Variants in BTK observed in about 807,000 individuals in gnomAD.
The protein encoded by BTK is tyrosine-protein kinase BTK.
Under a neutral mutation model 57.4 loss-of-function variants are expected in BTK, and 5 were observed. That is an observed-to-expected ratio of 0.09 (90% confidence interval 0.05 to 0.18). BTK has a LOEUF of 0.18. BTK is among the 10% of genes least tolerant of loss of function. The pLI is 1.00. For synonymous variants in BTK, 154 were observed against 174.3 expected (o/e 0.88, Z 0.92); for missense variants, 194 against 501.2 (o/e 0.39, Z 5.85).
chrX:101,353,022 C>T (rs976508584), intron 18 of BTK, 172 bp downstream of exon 18: 14 of 463,378 alleles, frequency 3.0e-5, no homozygotes, highest in Non-Finnish European at 4.7e-5. Flanking sequence ...GCCAAGATCG[C>T]GCCACTGTAC....
chrX:101,360,272 T>A lies in BTK; in HGVS notation c.777-122A>T. The A allele has an allele frequency of 5.3e-6, 3 of 570,141 alleles. No homozygotes were observed. The South Asian group carries it at 7.0e-5, about 13-fold the overall frequency. The allele number at this position is 570,141 out of a possible 1,213,427, so 47.0% of individuals were successfully genotyped here. On this transcript the variant is annotated intron_variant, in intron 8 of 18. Transcript: ENST00000308731. The stretch of plus-strand genomic sequence containing the variant: ...AATGGAGGTATATGTATCATGCACC[T>A]CCCTCAAAGACAATCATGTCTCTGA...
upstream of BTK, among the ~76,000 whole-genome samples, chrX:101,387,432 G>A (rs370482658): frequency 5.1e-5 from 5 of 98,786 alleles, no homozygotes; most frequent in African/African-American, 1.9e-4. Flanking sequence ...GCTCACTGCA[G>A]CCTCCACCTC....
chrX:101,379,376 A>G (rs1489499697), intron 1 of BTK, among the ~76,000 whole-genome samples: 1 of 111,567 alleles, frequency 9.0e-6, no homozygotes, highest in Non-Finnish European at 1.9e-5. Flanking sequence ...TCAATTGGCT[A>G]GGAAGATTCT....
At chrX:101,376,155 A>G (rs1464240554) in intron 1 of BTK, among the ~76,000 whole-genome samples, 2 of 111,689 alleles carry the variant, frequency 1.8e-5, no homozygotes, top group African/African-American at 3.3e-5. Context: ...GAAGGATTCA[A>G]TTTAGGTAAC....
At chrX:101,371,946 G>C (rs1927047790) in intron 3 of BTK, among the ~76,000 whole-genome samples, 1 of 112,098 alleles carries the variant, frequency 8.9e-6, no homozygotes, top group Non-Finnish European at 1.9e-5. Flanking sequence ...AAAAATTGTT[G>C]TTGGGACAAA....
chrX:101,369,006 A>G (rs1210896386), intron 5 of BTK, among the ~76,000 whole-genome samples: 2 of 112,410 alleles, frequency 1.8e-5, no homozygotes, highest in Admixed American at 9.4e-5. Context: ...TGTCAACTCA[A>G]CCAGTTAATC....
intron 5 of BTK, among the ~76,000 whole-genome samples, chrX:101,369,439 C>T (rs1487478294): frequency 8.9e-6 from 1 of 111,900 alleles, no homozygotes; most frequent in African/African-American, 3.2e-5. Context: ...GGTTCTCTGA[C>T]TCTGACTTCA....
chrX:101,355,748 C>T, intron 15 of BTK: 1 of 361,005 alleles, frequency 2.8e-6, no homozygotes, highest in Admixed American at 4.4e-5. Context: ...CATTGGGAAG[C>T]ACAGTCCCTT....
intron 7 of BTK, among the ~76,000 whole-genome samples, chrX:101,361,614 A>G (rs904029862): frequency 9.0e-5 from 10 of 111,271 alleles, no homozygotes; most frequent in African/African-American, 3.3e-4. Context: ...ACTTTACTGT[A>G]TGTTTGAAAA....
chrX:101,371,593 A>G (rs1555980300), intron 4 of BTK, 40 bp downstream of exon 4: 20 of 1,123,956 alleles, frequency 1.8e-5, no homozygotes, highest in Non-Finnish European at 2.3e-5. Flanking sequence ...TAATTGTGTT[A>G]CAGGGGCCTT....
chrX:101,389,362 T>C (rs185655504), upstream of BTK, among the ~76,000 whole-genome samples: 91 of 111,994 alleles, frequency 8.1e-4, no homozygotes, highest in African/African-American at 2.9e-3. Flanking sequence ...GGGGCCATGT[T>C]CACGGTCTTC....
At position 101,349,900 on chromosome X, in the gene BTK, C is replaced by T. The variant is rs782709592; in HGVS notation, c.1965G>A (p.Met655Ile). 2 of 1,208,914 alleles carry T rather than the reference C, an allele frequency of 1.7e-6. No individual in the cohort carries two copies. Among genetic ancestry groups the T allele is most frequent in the South Asian group, 3.5e-5 (2 of 56,880 alleles). Residue 655 changes from methionine (M) to isoleucine (I), a missense_variant, in exon 19 of 19, where the codon ATG becomes ATA. By Grantham distance (10) the Met-to-Ile change is conservative. Coordinates refer to ENST00000308731, the MANE Select transcript of BTK (RefSeq NM_000061.3). ...KILLSNILDV[M>I]DEES Reference sequence around the variant, plus strand: ...ATTGGCGAGCTCAGGATTCTTCATCCATGACATCTAGAATATTGCTCAGAA... The same window carrying T: ...ATTGGCGAGCTCAGGATTCTTCATCTATGACATCTAGAATATTGCTCAGAA...
chrX:101,370,555 C>A (rs1356891418), intron 4 of BTK, among the ~76,000 whole-genome samples: 2 of 111,752 alleles, frequency 1.8e-5, no homozygotes, highest in African/African-American at 6.5e-5. Context: ...TTACCTCCAC[C>A]TCCACTACCT....
Position 101,356,466 on chromosome X carries a change from T to C in BTK, c.1350-198A>G, listed in dbSNP as rs1926486846. The C allele has an allele frequency of 2.6e-5, 12 of 454,352 alleles. No individual in the cohort carries two copies. In the South Asian group the frequency reaches 3.7e-4, roughly 14 times the overall value. 37.4% of individuals were successfully genotyped at this position (454,352 alleles called of 1,213,427 possible). Reference sequence around the variant, plus strand: ...CAAGCAGGGATTTGGAGCCCATCAATTGAAAAAGAAACAAGTCCAGGAATG... The same window carrying C: ...CAAGCAGGGATTTGGAGCCCATCAACTGAAAAAGAAACAAGTCCAGGAATG... On this transcript the variant is annotated intron_variant, in intron 14 of 18. Coordinates refer to ENST00000308731, the MANE Select transcript of BTK (RefSeq NM_000061.3).
chrX:101,358,376 G>A lies in BTK; in HGVS notation c.1036C>T (p.Leu346=), dbSNP rs1926554972. ...VCSTPQSQYY[L]AEKHLFSTIP... is the part of the protein sequence containing the mutation. ...GTGCTGAAAAGGTGCTTCTCAGCCA[G>A]GTAATACTGGCTCTGAGGTGTGGAA... The change falls in exon 12 of 19, where the codon CTG becomes TTG. Residue 346 remains leucine, a synonymous_variant. Coordinates refer to ENST00000308731, the MANE Select transcript of BTK (RefSeq NM_000061.3). 1 of 1,210,256 alleles carries A rather than the reference G, an allele frequency of 8.3e-7. No individual in the cohort carries two copies. Among genetic ancestry groups the A allele is most frequent in the Non-Finnish European group, 1.1e-6 (1 of 895,130 alleles).
rs782115769 is a variant in BTK, at chrX:101,373,808, G to A, written c.240+728C>T. Among the ~76,000 whole-genome samples the A allele has an allele frequency of 7.4e-4, 83 of 111,469 alleles. 2 individuals are homozygous for A. In the South Asian group the frequency reaches 0.012, roughly 16 times the overall value. Reference sequence around the variant, plus strand: ...TGTAATCTTTGCACTTTGGGAGGCCGAGACAGGCGGATCACTTGAGGCCAG... The same window carrying A: ...TGTAATCTTTGCACTTTGGGAGGCCAAGACAGGCGGATCACTTGAGGCCAG... On this transcript the variant is annotated intron_variant, in intron 3 of 18. Transcript: ENST00000308731.
Position 101,359,632 on chromosome X carries a change from G to C in BTK, c.840-285C>G, listed in dbSNP as rs148744264. 8.3e-3 allele frequency among the ~76,000 whole-genome samples: 913 copies of C among 110,594 alleles called. 3 individuals carry two copies. Among genetic ancestry groups the C allele is most frequent in the African/African-American group, 0.014 (440 of 30,376 alleles). ...AACAATCCACTTCCATGATTAGGGA[G>C]GAAAGGACAACAGTAGCAGTTTGAC... On this transcript the variant is annotated intron_variant, in intron 9 of 18. Transcript: ENST00000308731.
chrX:101,382,639 A>C (rs1167024832), intron 1 of BTK, among the ~76,000 whole-genome samples: 4 of 111,276 alleles, frequency 3.6e-5, no homozygotes, highest in Non-Finnish European at 7.5e-5. Flanking sequence ...GCGACAATAT[A>C]TTCTGGCCAA....
chrX:101,349,800 G>T lies in BTK; in HGVS notation c.*85C>A. 13 of 860,699 alleles carry T rather than the reference G, an allele frequency of 1.5e-5. No homozygotes were observed. The highest frequency in any genetic ancestry group is 1.7e-5 in the Non-Finnish European group (10 of 579,194). The allele number at this position is 860,699 out of a possible 1,213,427, so 70.9% of individuals were successfully genotyped here. ...TGAGTGGGAGCACAAAGGCTCCAGG[G>T]CTCCTAAGCTTGGGATTTCCTCTGA... On this transcript the variant is annotated 3_prime_UTR_variant, in exon 19 of 19. Transcript: ENST00000308731.
Sources: gnomAD v4.1 joint callset for allele counts (sites outside exome capture counted in the v4.1 genomes callset) on GRCh38, gnomAD v4.1.1 for gene constraint, MANE v1.5 for transcripts, NCBI Gene and HGNC (gene_info 2026-07-23, HGNC 2026-07-21) for gene names.